TCF4: variants seen among roughly 807,000 people sequenced by gnomAD.
TCF4 encodes the protein SL3-3 enhancer factor 2.
In TCF4, 3 loss-of-function variants were observed where a neutral mutation model predicts 82.1. The observed-to-expected ratio is 0.04, with a 90% CI of 0.02 to 0.09. The LOEUF (loss-of-function observed/expected upper bound fraction) is 0.09, where lower values mean the gene tolerates loss of function less well. TCF4 is among the 10% of genes least tolerant of loss of function. The probability of loss-of-function intolerance (pLI) is 1.00; values close to 1 mark genes in which losing one functional copy is unlikely to be tolerated. For synonymous variants in TCF4, 276 were observed against 309.6 expected (o/e 0.89, Z 1.14); for missense variants, 518 against 852.7 (o/e 0.61, Z 4.89).
intron 3 of TCF4, among the ~76,000 whole-genome samples, chr18:55,520,672 G>A (rs936835432): frequency 1.3e-5 from 2 of 152,206 alleles, no homozygotes; most frequent in Admixed American, 1.3e-4. Flanking sequence ...CGGAACACAC[G>A]GCTTTATTTA....
rs2096495454 is a variant in TCF4 at position 55,485,074 on chromosome 18, C to T, written c.146-20937G>A. On this transcript the variant is annotated intron_variant, in intron 3 of 19. Transcript: ENST00000354452. ...CTGGGTTCTTGGAAATATCTCCCTA[C>T]TCCAAGGAAAGAGACACATCAGTAG... Among the ~76,000 whole-genome samples, 3 of 152,174 alleles carry T rather than the reference C, an allele frequency of 2.0e-5. No homozygotes were observed. In the South Asian group the frequency reaches 6.2e-4, roughly 32 times the overall value.
At chr18:55,263,503 A>C (rs2058475878) in intron 11 of TCF4, among the ~76,000 whole-genome samples, 1 of 152,198 alleles carries the variant, frequency 6.6e-6, no homozygotes, top group South Asian at 2.1e-4. Context: ...TGCCTGGCTA[A>C]GGCAGGAGAA....
At chr18:55,516,030 G>A (rs560656495) in intron 3 of TCF4, among the ~76,000 whole-genome samples, 1 of 152,226 alleles carries the variant, frequency 6.6e-6, no homozygotes, top group South Asian at 2.1e-4. Flanking sequence ...GTCAGATTGG[G>A]TTTAAAAGAA....
intron 15 of TCF4, among the ~76,000 whole-genome samples, chr18:55,253,163 A>G (rs1394225695): frequency 1.3e-5 from 2 of 152,224 alleles, no homozygotes; most frequent in African/African-American, 4.8e-5. Flanking sequence ...GCAGATTTCA[A>G]TACTACACCG....
Position 55,269,651 on chromosome 18 carries a change from A to C in TCF4, c.922+180T>G. The C allele has an allele frequency of 7.3e-6, 6 of 826,378 alleles. No homozygotes were observed. In the South Asian group the frequency reaches 1.0e-4, roughly 14 times the overall value. 51.2% of individuals were successfully genotyped at this position (826,378 alleles called of 1,614,324 possible). Reference sequence around the variant, plus strand: ...AAATTTCAGTGTCTTGTGACGAAAAATATGGTTATGCTCAAGCCAGTGATT... The same window carrying C: ...AAATTTCAGTGTCTTGTGACGAAAACTATGGTTATGCTCAAGCCAGTGATT... On this transcript the variant is annotated intron_variant, in intron 11 of 19. Transcript: ENST00000354452.
chr18:55,233,370 C>T (rs1053118460), intron 16 of TCF4, among the ~76,000 whole-genome samples: 1 of 152,160 alleles, frequency 6.6e-6, no homozygotes, highest in African/African-American at 2.4e-5. Context: ...TTGGTCCATG[C>T]GGCCTCATCA....
At chr18:55,491,050 A>G (rs1045348415) in intron 3 of TCF4, among the ~76,000 whole-genome samples, 9 of 152,214 alleles carry the variant, frequency 5.9e-5, no homozygotes, top group African/African-American at 2.2e-4. Context: ...ATTAGTCTGC[A>G]GTGTTGGTTA....
chr18:55,397,668 T>C (rs1384863119), intron 6 of TCF4, among the ~76,000 whole-genome samples: 2 of 152,218 alleles, frequency 1.3e-5, no homozygotes, highest in Non-Finnish European at 2.9e-5. Context: ...GACATTTGCA[T>C]GAGGACAACT....
intron 3 of TCF4, among the ~76,000 whole-genome samples, chr18:55,466,209 C>T (rs2096014354): frequency 6.6e-6 from 1 of 152,130 alleles, no homozygotes; most frequent in East Asian, 1.9e-4. Context: ...GTAAGAAATA[C>T]CCTGTGCAGG....
At chr18:55,480,034 C>T (rs1360474479) in intron 3 of TCF4, among the ~76,000 whole-genome samples, 3 of 152,116 alleles carry the variant, frequency 2.0e-5, no homozygotes, top group Non-Finnish European at 4.4e-5. Flanking sequence ...TGCTCAGTCT[C>T]GTCTGTCTCA....
intron 2 of TCF4, among the ~76,000 whole-genome samples, chr18:55,595,820 T>C (rs2097690312): frequency 6.6e-6 from 1 of 152,176 alleles, no homozygotes; most frequent in Non-Finnish European, 1.5e-5. Flanking sequence ...TTTGGAGGAC[T>C]TGCAGATTTC....
At chr18:55,621,635 ATTATATAATATACATT>A (rs1445308142) in intron 2 of TCF4, among the ~76,000 whole-genome samples, 1 of 23,410 alleles carries the variant, frequency 4.3e-5, no homozygotes, top group African/African-American at 4.3e-4. Flanking sequence ...TAATATATAT[ATTATATAATATACATT>A]ATATAATATA....
intron 8 of TCF4, among the ~76,000 whole-genome samples, chr18:55,318,160 AT>A (rs1275730175): frequency 6.6e-6 from 1 of 152,110 alleles, no homozygotes; most frequent in African/African-American, 2.4e-5. Flanking sequence ...ATTTGCCATA[AT>A]TTTATCTTCG....
chr18:55,596,727 C>T (rs1032887560), intron 2 of TCF4, among the ~76,000 whole-genome samples: 7 of 151,944 alleles, frequency 4.6e-5, no homozygotes, highest in African/African-American at 1.7e-4. Flanking sequence ...AATGGCATAA[C>T]GGAAAATACT....
intron 5 of TCF4, among the ~76,000 whole-genome samples, chr18:55,438,624 C>T (rs767308434): frequency 6.6e-6 from 1 of 152,192 alleles, no homozygotes; most frequent in Non-Finnish European, 1.5e-5. Flanking sequence ...AAAGACACCA[C>T]CTGCAGTCCT....
At chr18:55,230,220 CAA>C (rs1486987473) in intron 17 of TCF4, 2 of 146,884 alleles carry the variant, frequency 1.4e-5, no homozygotes, top group Non-Finnish European at 3.0e-5. Context: ...TGATTCATAA[CAA>C]ATGCATGGCC....
In TCF4 at chr18:55,511,548, C is replaced by G. The variant is rs983667492; in HGVS notation, c.146-47411G>C. Among the ~76,000 whole-genome samples, 13 of 152,194 alleles carry G rather than the reference C, an allele frequency of 8.5e-5. No homozygotes were observed. In the East Asian group the frequency reaches 2.5e-3, roughly 29 times the overall value. ...CAAATTGTACCAAGTACTTTAACAA[C>G]AGAGTTCTAAATTCATTCTGGAAGT... On this transcript the variant is annotated intron_variant, in intron 3 of 19. Transcript: ENST00000354452.
chr18:55,376,494 G>A (rs1248595614), intron 6 of TCF4, among the ~76,000 whole-genome samples: 1 of 152,142 alleles, frequency 6.6e-6, no homozygotes, highest in East Asian at 1.9e-4. Context: ...TCCAGAGTCT[G>A]ACCTCCAACC....
chr18:55,308,760 A>G (rs2071225060), intron 8 of TCF4, among the ~76,000 whole-genome samples: 2 of 152,260 alleles, frequency 1.3e-5, no homozygotes, highest in South Asian at 4.1e-4. Flanking sequence ...GTAAAGTGCT[A>G]CAAGGTAGCA....
Sources: allele counts gnomAD v4.1 joint callset (sites outside exome capture counted in the v4.1 genomes callset), GRCh38; gene constraint gnomAD v4.1.1; transcripts MANE v1.5; gene names NCBI Gene and HGNC (gene_info 2026-07-23, HGNC 2026-07-21).